The following CRB1 variants were observed in gnomAD, a reference collection of about 807,000 sequenced individuals.
The protein encoded by CRB1 is protein crumbs homolog 1.
A neutral mutation model predicts 120.0 loss-of-function variants in CRB1; 83 were observed. The observed-to-expected ratio is 0.69, with a 90% CI of 0.58 to 0.83. CRB1 has a LOEUF of 0.83. CRB1 is among the 40% of genes least tolerant of loss of function. The probability of loss-of-function intolerance (pLI) is 0.00; values close to 1 mark genes in which losing one functional copy is unlikely to be tolerated. For missense variants in CRB1, 1,699 were observed against 1,687.6 expected (o/e 1.01, Z -0.12); for synonymous variants, 625 against 612.5 (o/e 1.02, Z -0.30).
At chr1:197,423,065 G>A (rs1234995835) in intron 6 of CRB1, among the ~76,000 whole-genome samples, 1 of 151,934 alleles carries the variant, frequency 6.6e-6, no homozygotes, top group Non-Finnish European at 1.5e-5. Context: ...TTTTTTTTAA[G>A]GAGAAAAAGG....
intron 5 of CRB1, among the ~76,000 whole-genome samples, chr1:197,399,393 C>T (rs1662944656): frequency 6.6e-6 from 1 of 152,096 alleles, no homozygotes; most frequent in Admixed American, 6.6e-5. Flanking sequence ...AGGGTTGCAG[C>T]ATTACACTGT....
the CRB1 span, among the ~76,000 whole-genome samples, chr1:197,241,466 C>T: frequency 9.9e-5 from 15 of 152,064 alleles, no homozygotes; most frequent in African/African-American, 2.9e-4. Context: ...GAATTCTTTC[C>T]CCATTGCTTG....
the CRB1 span, among the ~76,000 whole-genome samples, chr1:197,245,640 T>C: frequency 6.6e-6 from 1 of 152,148 alleles, no homozygotes; most frequent in Non-Finnish European, 1.5e-5. Context: ...TTTCTGCTTT[T>C]TGCTGTTATG....
rs138547295 is a variant in CRB1 at position 197,309,362 on chromosome 1, A to G, written c.71-19060A>G. The stretch of plus-strand genomic sequence containing the variant: ...GTTTCTGGTTGGTATGTGGACTAAC[A>G]TAACACCTTCTGTTTAATTAATTCT... On this transcript the variant is annotated intron_variant, in intron 1 of 11. Transcript: ENST00000367400. Among the ~76,000 whole-genome samples the G allele has an allele frequency of 6.3e-3, 962 of 152,250 alleles. 9 individuals are homozygous for G. The highest frequency in any genetic ancestry group is 0.022 in the African/African-American group (897 of 41,536).
the CRB1 span, among the ~76,000 whole-genome samples, chr1:197,229,286 T>C: frequency 1.3e-5 from 2 of 152,156 alleles, no homozygotes; most frequent in Admixed American, 6.5e-5. Context: ...AAGTATTTTA[T>C]GAGATTAGCA....
rs535714793 is a variant in CRB1 at position 197,355,740 on chromosome 1, C to T, written c.989-1091C>T. Reference sequence around the variant, plus strand: ...CCCAGAACTCACGCAGCCCCGCAAGCGCCCGTGCAGCCTCGGTTCCCACAC... The same window carrying T: ...CCCAGAACTCACGCAGCCCCGCAAGTGCCCGTGCAGCCTCGGTTCCCACAC... On this transcript the variant is annotated intron_variant, in intron 4 of 11. Coordinates refer to ENST00000367400, the MANE Select transcript of CRB1 (RefSeq NM_201253.3). Among the ~76,000 whole-genome samples the T allele has an allele frequency of 5.9e-5, 9 of 152,330 alleles. No homozygotes were observed. In the South Asian group the frequency reaches 8.3e-4, roughly 14 times the overall value.
rs1571572235 is a variant in CRB1, at chr1:197,442,202, GTGTGTC to G, written c.3916_3921del (p.Cys1306_Val1307del). 1.2e-6 allele frequency: 2 copies of G among 1,613,798 alleles called. No homozygotes were observed. Among genetic ancestry groups the G allele is most frequent in the Non-Finnish European group, 1.7e-6 (2 of 1,179,996 alleles). On this transcript the variant is annotated inframe_deletion, in exon 11 of 12. Transcript: ENST00000367400. ...ACATTGATGAGTGTGCCTCTGATCC[GTGTGTC>G]AATGGAGGTCTGTGCCAGGACTTAC...
chr1:197,378,129 A>G (rs1330390780), intron 5 of CRB1, among the ~76,000 whole-genome samples: 2 of 152,174 alleles, frequency 1.3e-5, no homozygotes, highest in Non-Finnish European at 2.9e-5. Context: ...GACATCTCCC[A>G]TAGTGTTTTA....
chr1:197,414,082 T>A (rs1663849337), intron 5 of CRB1: 1 of 333,036 alleles, frequency 3.0e-6, no homozygotes, highest in African/African-American at 2.1e-5. Context: ...TATTGTTTAA[T>A]GCTATAACAG....
In CRB1 at chr1:197,339,739, G is replaced by A. The variant is rs1571865604; in HGVS notation, c.653-4542G>A. ...GGAATCTTAACATGGATCTCTAAAT[G>A]CCGAAAGATGCCAATTGGAGTGCAA... On this transcript the variant is annotated intron_variant, in intron 2 of 11. Transcript: ENST00000367400. Among the ~76,000 whole-genome samples the A allele has an allele frequency of 2.0e-5, 3 of 152,290 alleles. No homozygotes were observed. In the East Asian group the frequency reaches 5.8e-4, roughly 29 times the overall value.
At chr1:197,250,625 G>A in the CRB1 span, among the ~76,000 whole-genome samples, 1 of 152,020 alleles carries the variant, frequency 6.6e-6, no homozygotes, top group African/African-American at 2.4e-5. Flanking sequence ...GAGGGGGCTT[G>A]TGTAGTTACA....
chr1:197,218,081 GA>G, the CRB1 span, among the ~76,000 whole-genome samples: 1 of 152,066 alleles, frequency 6.6e-6, no homozygotes, highest in African/African-American at 2.4e-5. Context: ...TTTTCATAAT[GA>G]AAAAAATTAA....
At chr1:197,474,859 T>C (rs185569789) in intron 11 of CRB1, among the ~76,000 whole-genome samples, 1 of 152,152 alleles carries the variant, frequency 6.6e-6, no homozygotes, top group Non-Finnish European at 1.5e-5. Flanking sequence ...CTAAAGATCA[T>C]TGGATAGTAC....
At chr1:197,209,654 G>A in the CRB1 span, among the ~76,000 whole-genome samples, 1 of 152,118 alleles carries the variant, frequency 6.6e-6, no homozygotes, top group Non-Finnish European at 1.5e-5. Flanking sequence ...GGCCTCTCCT[G>A]CGGTCTTTTC....
chr1:197,281,246 T>C (rs1424773870), intron 1 of CRB1, among the ~76,000 whole-genome samples: 1 of 151,822 alleles, frequency 6.6e-6, no homozygotes, highest in African/African-American at 2.4e-5. Context: ...TGGGGAGCGA[T>C]GTGAGATGAG....
intron 7 of CRB1, 118 bp downstream of exon 7, chr1:197,428,119 A>G (rs927550714): frequency 2.0e-5 from 17 of 859,854 alleles, no homozygotes; most frequent in Non-Finnish European, 2.9e-5. Context: ...ACCCACCAGT[A>G]TAGAATAATA....
chr1:197,377,189 A>T (rs992884235), intron 5 of CRB1, among the ~76,000 whole-genome samples: 6 of 152,000 alleles, frequency 3.9e-5, no homozygotes, highest in African/African-American at 1.4e-4. Context: ...TCACTGTGTG[A>T]TCTTACGCAC....
At chr1:197,436,595 G>A (rs1474781459) in intron 9 of CRB1, among the ~76,000 whole-genome samples, 2 of 152,052 alleles carry the variant, frequency 1.3e-5, no homozygotes, top group Non-Finnish European at 2.9e-5. Flanking sequence ...TAAAGAATAT[G>A]TATACGTATA....
At chr1:197,393,551 G>A (rs1053432743) in intron 5 of CRB1, among the ~76,000 whole-genome samples, 1 of 151,988 alleles carries the variant, frequency 6.6e-6, no homozygotes, top group African/African-American at 2.4e-5. Flanking sequence ...CATTCAGTAA[G>A]AGGTGAAATT....
Sources: gnomAD v4.1 joint callset for allele counts (sites outside exome capture counted in the v4.1 genomes callset) on GRCh38, gnomAD v4.1.1 for gene constraint, MANE v1.5 for transcripts, NCBI Gene and HGNC (gene_info 2026-07-23, HGNC 2026-07-21) for gene names.